The following AGBL4 variants were observed in gnomAD, a reference collection of about 807,000 sequenced individuals.
AGBL4 encodes AGBL carboxypeptidase 4, also known as cytosolic carboxypeptidase 6.
Under a neutral mutation model 66.4 loss-of-function variants are expected in AGBL4, and 58 were observed. The observed-to-expected ratio is 0.87, with a 90% CI of 0.71 to 1.09. AGBL4 has a LOEUF of 1.09. Ranked by LOEUF, AGBL4 falls within the 50% of genes least tolerant of loss-of-function variation. AGBL4 has a pLI of 0.00. For synonymous variants in AGBL4, 234 were observed against 222.9 expected (o/e 1.05, Z -0.44); for missense variants, 579 against 631.0 (o/e 0.92, Z 0.88).
chr1:49,114,154 A>G (rs1312142323), intron 4 of AGBL4, among the ~76,000 whole-genome samples: 1 of 152,188 alleles, frequency 6.6e-6, no homozygotes, highest in Non-Finnish European at 1.5e-5. Flanking sequence ...TACATTGAAA[A>G]TGTGTTATTT....
At chr1:48,993,709 G>A (rs568616691) in intron 5 of AGBL4, among the ~76,000 whole-genome samples, 82 of 152,266 alleles carry the variant, frequency 5.4e-4, no homozygotes, top group Admixed American at 9.8e-4. Flanking sequence ...GTTTGGGCTG[G>A]TCTGGCCTAA....
At chr1:48,868,048 C>T (rs1214278154) in intron 5 of AGBL4, among the ~76,000 whole-genome samples, 1 of 152,182 alleles carries the variant, frequency 6.6e-6, no homozygotes, top group African/African-American at 2.4e-5. Context: ...AGCAGCCCTT[C>T]TAAAGACTTG....
At chr1:49,118,316 C>T (rs929154322) in intron 4 of AGBL4, among the ~76,000 whole-genome samples, 57 of 152,212 alleles carry the variant, frequency 3.7e-4, no homozygotes, top group Non-Finnish European at 1.5e-4. Context: ...GGAATGCTTC[C>T]AATTTTTGCC....
At chr1:49,303,560 C>A (rs184414218) in intron 3 of AGBL4, among the ~76,000 whole-genome samples, 30 of 152,096 alleles carry the variant, frequency 2.0e-4, no homozygotes, top group Non-Finnish European at 3.5e-4. Context: ...TCAAGCAATT[C>A]TCCTGCCTCA....
chr1:49,740,369 G>A (rs572580836), intron 2 of AGBL4, among the ~76,000 whole-genome samples: 22 of 151,990 alleles, frequency 1.4e-4, no homozygotes, highest in African/African-American at 3.6e-4. Context: ...ATATATAGGC[G>A]CCCAATATAG....
At chr1:49,749,103 A>G (rs1651238904) in intron 2 of AGBL4, among the ~76,000 whole-genome samples, 1 of 152,096 alleles carries the variant, frequency 6.6e-6, no homozygotes, top group Admixed American at 6.6e-5. Flanking sequence ...CCTGAATGGT[A>G]TTGCCTAGGT....
chr1:49,399,688 G>T (rs567053636), intron 3 of AGBL4, among the ~76,000 whole-genome samples: 1 of 151,784 alleles, frequency 6.6e-6, no homozygotes, highest in East Asian at 1.9e-4. Context: ...TTTTAATCAC[G>T]GTATTAGCTT....
intron 3 of AGBL4, among the ~76,000 whole-genome samples, chr1:49,584,910 C>T (rs1410201969): frequency 1.3e-5 from 2 of 152,154 alleles, no homozygotes; most frequent in Non-Finnish European, 2.9e-5. Context: ...CAAGATCACA[C>T]AGCTTGTAAG....
intron 3 of AGBL4, among the ~76,000 whole-genome samples, chr1:49,658,866 G>C (rs1446594597): frequency 6.6e-6 from 1 of 151,884 alleles, no homozygotes; most frequent in Non-Finnish European, 1.5e-5. Context: ...TGTGGGGTGG[G>C]GGAATGGGGG....
At chr1:49,128,110 G>T (rs1645803429) in intron 4 of AGBL4, among the ~76,000 whole-genome samples, 1 of 151,798 alleles carries the variant, frequency 6.6e-6, no homozygotes, top group South Asian at 2.1e-4. Context: ...AATAAGGAAA[G>T]AAGAAAGATA....
chr1:49,576,163 A>G (rs1040482451), intron 3 of AGBL4, among the ~76,000 whole-genome samples: 8 of 152,204 alleles, frequency 5.3e-5, no homozygotes, highest in African/African-American at 1.9e-4. Context: ...AAGAGGCACA[A>G]CACCTGGTGG....
intron 3 of AGBL4, among the ~76,000 whole-genome samples, chr1:49,549,572 C>T (rs991288401): frequency 2.6e-5 from 4 of 152,114 alleles, no homozygotes; most frequent in African/African-American, 9.7e-5. Flanking sequence ...ATTTACTTTC[C>T]ATGTACTTGC....
rs1352921136 is a variant in AGBL4 at position 49,545,644 on chromosome 1, G to A, written c.282+151669C>T. Among the ~76,000 whole-genome samples the A allele has an allele frequency of 3.3e-5, 5 of 152,172 alleles. No individual in the cohort carries two copies. The East Asian group carries it at 5.8e-4, about 18-fold the overall frequency. On this transcript the variant is annotated intron_variant, in intron 3 of 13. Transcript: ENST00000371839. ...AGACACATATATCTATGGTATATGA[G>A]TACCTGTAATGAAGTGCTGTAAGGA...
chr1:49,401,425 A>C (rs1464912946), intron 3 of AGBL4, among the ~76,000 whole-genome samples: 1 of 152,206 alleles, frequency 6.6e-6, no homozygotes, highest in Non-Finnish European at 1.5e-5. Flanking sequence ...AATTGAAAGA[A>C]TCATATGGAT....
intron 5 of AGBL4, among the ~76,000 whole-genome samples, chr1:48,967,340 G>A (rs138343182): frequency 7.2e-5 from 11 of 152,038 alleles, no homozygotes; most frequent in African/African-American, 2.2e-4. Context: ...TAATTCACTC[G>A]TTTATTTATT....
intron 3 of AGBL4, among the ~76,000 whole-genome samples, chr1:49,593,626 C>T (rs550553912): frequency 2.6e-5 from 4 of 152,230 alleles, no homozygotes; most frequent in Admixed American, 2.0e-4. Flanking sequence ...ACCAGATTGT[C>T]GCTATATGAA....
At chr1:48,682,175 C>A (rs1269334492) in intron 6 of AGBL4, among the ~76,000 whole-genome samples, 1 of 152,168 alleles carries the variant, frequency 6.6e-6, no homozygotes, top group African/African-American at 2.4e-5. Flanking sequence ...CTGCCAATAC[C>A]TTCATCTCAG....
At chr1:49,891,072 C>T (rs1648596518) in intron 1 of AGBL4, among the ~76,000 whole-genome samples, 1 of 151,872 alleles carries the variant, frequency 6.6e-6, no homozygotes. Flanking sequence ...TTTATTTGAC[C>T]CCTGAGTTAA....
intron 4 of AGBL4, among the ~76,000 whole-genome samples, chr1:49,046,057 C>T (rs1005382150): frequency 6.6e-6 from 1 of 152,192 alleles, no homozygotes; most frequent in Non-Finnish European, 1.5e-5. Context: ...ACATTCTATT[C>T]ACTTGTTTAT....
Sources: allele counts gnomAD v4.1 joint callset (sites outside exome capture counted in the v4.1 genomes callset), GRCh38; gene constraint gnomAD v4.1.1; transcripts MANE v1.5; gene names NCBI Gene and HGNC (gene_info 2026-07-23, HGNC 2026-07-21).